The following FBXW11 variants were observed in gnomAD, a reference collection of about 807,000 sequenced individuals.
FBXW11 encodes F-box and WD repeat domain containing 11.
FBXW11 carries 19 observed loss-of-function variants against 77.6 expected under a neutral mutation model. That is an observed-to-expected ratio of 0.24 (90% CI 0.17 to 0.36). The LOEUF (loss-of-function observed/expected upper bound fraction) is 0.36. Ranked by LOEUF, FBXW11 falls within the 10% of genes least tolerant of loss-of-function variation. FBXW11 has a pLI of 1.00. For synonymous variants in FBXW11, 235 were observed against 249.4 expected (o/e 0.94, Z 0.54); for missense variants, 334 against 704.2 (o/e 0.47, Z 5.95).
chr5:171,986,865 T>C (rs536230752), intron 1 of FBXW11, among the ~76,000 whole-genome samples: 1 of 152,332 alleles, frequency 6.6e-6, no homozygotes, highest in Admixed American at 6.5e-5. Flanking sequence ...GGTATCAGTC[T>C]GTGACCTATT....
At chr5:171,968,697 G>A (rs868545253) in intron 1 of FBXW11, among the ~76,000 whole-genome samples, 6 of 152,086 alleles carry the variant, frequency 3.9e-5, no homozygotes, top group Middle Eastern at 3.2e-3. Context: ...CATTTTCTAG[G>A]AACTGAGAGA....
intron 7 of FBXW11, among the ~76,000 whole-genome samples, chr5:171,890,170 C>G (rs904535228): frequency 2.6e-5 from 4 of 151,928 alleles, no homozygotes. Context: ...GTTCACATAC[C>G]TATTAGAATG....
chr5:171,870,928 T>C, intron 10 of FBXW11, 70 bp from the exon 11 acceptor site: 2 of 1,063,870 alleles, frequency 1.9e-6, no homozygotes, highest in South Asian at 1.3e-5. Flanking sequence ...AAGTTTTTTA[T>C]ATCTGTTCCA....
intron 3 of FBXW11, 67 bp downstream of exon 3, chr5:171,914,276 T>A (rs1761082464): frequency 2.2e-6 from 3 of 1,360,998 alleles, no homozygotes; most frequent in Non-Finnish European, 3.1e-6. Flanking sequence ...ACTGAGGACA[T>A]TAACTGAGGG....
At chr5:171,892,515 G>A (rs372258814) in intron 6 of FBXW11, among the ~76,000 whole-genome samples, 1 of 152,272 alleles carries the variant, frequency 6.6e-6, no homozygotes, top group East Asian at 1.9e-4. Flanking sequence ...CCTGCCTCTT[G>A]CGGCAGTGCA....
At chr5:171,946,274 T>C (rs992440380) in intron 2 of FBXW11, among the ~76,000 whole-genome samples, 1 of 152,194 alleles carries the variant, frequency 6.6e-6, no homozygotes, top group Non-Finnish European at 1.5e-5. Context: ...TCTGTTTCTC[T>C]GGAGAACCCT....
chr5:171,967,839 CAA>C (rs1264192715), intron 1 of FBXW11, among the ~76,000 whole-genome samples: 2 of 99,030 alleles, frequency 2.0e-5, no homozygotes, highest in Non-Finnish European at 1.9e-5. Context: ...GACTCTGTCT[CAA>C]AAAAAAAAAA....
rs776770781 is a variant in FBXW11, at chr5:171,957,718, A to C, written c.46-20T>G. ...AGAACACTGCAGGATGACAAAAAGG[A>C]AGGAAGAGAAGAAGCAGTTAGAGGC... On this transcript the variant is annotated intron_variant, in intron 1 of 13. Transcript: ENST00000517395. 3.1e-6 allele frequency: 5 copies of C among 1,606,668 alleles called. No homozygotes were observed. The East Asian group carries it at 1.1e-4, about 36-fold the overall frequency.
intron 2 of FBXW11, among the ~76,000 whole-genome samples, chr5:171,925,932 G>C (rs1761866650): frequency 6.6e-6 from 1 of 152,098 alleles, no homozygotes; most frequent in Non-Finnish European, 1.5e-5. Context: ...CAATGATAGG[G>C]GAAAAGGCCT....
rs1220965945 is a variant in FBXW11 at position 171,869,129 on chromosome 5, A to G, written c.1531-333T>C. On this transcript the variant is annotated intron_variant, in intron 12 of 13. Transcript: ENST00000517395. This position sits in a 1 kb window ranked among gnomAD's most constrained non-coding sequence, Gnocchi z 4.1. ...AATCCACTGGAAAACCTAGAACCAG[A>G]AAGACAGTTTGTTTTAACATGACCA... 2.0e-5 allele frequency among the ~76,000 whole-genome samples: 3 copies of G among 152,230 alleles called. No individual in the cohort carries two copies. Among genetic ancestry groups the G allele is most frequent in the Non-Finnish European group, 4.4e-5 (3 of 68,040 alleles).
chr5:171,926,224 G>T (rs1318079109), intron 2 of FBXW11, among the ~76,000 whole-genome samples: 2 of 152,210 alleles, frequency 1.3e-5, no homozygotes, highest in Non-Finnish European at 2.9e-5. Context: ...TAGGGAAACA[G>T]AAACTCTTAC....
At chr5:171,943,558 A>G (rs1042113933) in intron 2 of FBXW11, among the ~76,000 whole-genome samples, 16 of 152,164 alleles carry the variant, frequency 1.1e-4, no homozygotes, top group Non-Finnish European at 2.4e-4. Flanking sequence ...TCCCAGGTTC[A>G]AGCGATTCTC....
chr5:171,974,394 A>G (rs1021365895), intron 1 of FBXW11, among the ~76,000 whole-genome samples: 1 of 151,506 alleles, frequency 6.6e-6, no homozygotes, highest in African/African-American at 2.4e-5. Context: ...AGATCACACC[A>G]TCGCACTCCA....
At chr5:171,970,191 T>G (rs1031695461) in intron 1 of FBXW11, among the ~76,000 whole-genome samples, 3 of 152,210 alleles carry the variant, frequency 2.0e-5, no homozygotes, top group Non-Finnish European at 2.9e-5. Context: ...AAATCTCATC[T>G]CCCATTGTAA....
intron 1 of FBXW11, among the ~76,000 whole-genome samples, chr5:171,970,820 G>T (rs992074750): frequency 1.3e-5 from 2 of 152,170 alleles, no homozygotes; most frequent in Non-Finnish European, 2.9e-5. Context: ...ATAGTTCATT[G>T]TTCTTATATC....
chr5:172,000,955 C>CA (rs1766378547), intron 1 of FBXW11, among the ~76,000 whole-genome samples: 1 of 152,134 alleles, frequency 6.6e-6, no homozygotes, highest in African/African-American at 2.4e-5. Flanking sequence ...CCAACTGATG[C>CA]AAAAAGTATT....
Position 171,952,447 on chromosome 5 carries a change from A to ATTTTT in FBXW11, c.147+5145_147+5149dup, listed in dbSNP as rs1164383563. Among the ~76,000 whole-genome samples the ATTTTT allele has an allele frequency of 1.6e-3, 11 of 6,948 alleles. 2 individuals carry two copies. The highest frequency in any genetic ancestry group is 0.021 in the East Asian group (1 of 48). The allele number at this position is 6,948 out of a possible 152,430, so 4.6% of individuals were successfully genotyped here. On this transcript the variant is annotated intron_variant, in intron 2 of 13. Coordinates refer to ENST00000517395, the MANE Select transcript of FBXW11 (RefSeq NM_001378974.1). Reference sequence around the variant, plus strand: ...CATATATATATATATATATATATATATTTTTTTTTTTTTTTTTTTTTTTGA... The same window carrying ATTTTT: ...CATATATATATATATATATATATATATTTTTTTTTTTTTTTTTTTTTTTTTTTTGA...
At chr5:171,909,685 A>ATGTGTG (rs111850090) in intron 4 of FBXW11, among the ~76,000 whole-genome samples, 6 of 149,966 alleles carry the variant, frequency 4.0e-5, no homozygotes, top group Non-Finnish European at 7.4e-5. Flanking sequence ...ATTTAACCAG[A>ATGTGTG]TGTGTGTGTG....
intron 2 of FBXW11, among the ~76,000 whole-genome samples, chr5:171,923,403 GTTTAA>G (rs961013741): frequency 2.0e-4 from 30 of 152,230 alleles, no homozygotes; most frequent in African/African-American, 6.3e-4. Context: ...GTTTAATGAA[GTTTAA>G]TTTGTCAATT....
Sources: gnomAD v4.1 joint callset for allele counts (sites outside exome capture counted in the v4.1 genomes callset) on GRCh38, gnomAD v4.1.1 for gene constraint, Gnocchi (gnomAD v3.1) non-coding constraint, MANE v1.5 for transcripts, NCBI Gene and HGNC (gene_info 2026-07-23, HGNC 2026-07-21) for gene names.